ZNF804B: variants seen among roughly 807,000 people sequenced by gnomAD.
The protein encoded by ZNF804B is zinc finger protein 804B.
ZNF804B carries 80 observed loss-of-function variants against 101.4 expected under a neutral mutation model. The observed-to-expected ratio is 0.79, with a 90% CI of 0.66 to 0.95. The LOEUF (loss-of-function observed/expected upper bound fraction) is 0.95. Among genes scored for constraint, ZNF804B ranks in the 40% least tolerant of loss-of-function variants. The pLI is 0.00. For synonymous variants in ZNF804B, 622 were observed against 558.8 expected (o/e 1.11, Z -1.59); for missense variants, 1,673 against 1,561.9 (o/e 1.07, Z -1.20).
At chr7:88,895,791 AC>A (rs557121323) in intron 1 of ZNF804B, among the ~76,000 whole-genome samples, 20 of 152,350 alleles carry the variant, frequency 1.3e-4, no homozygotes, top group African/African-American at 4.1e-4. Flanking sequence ...AAGTTGTGCA[AC>A]AGAATAAACT....
intron 1 of ZNF804B, among the ~76,000 whole-genome samples, chr7:89,190,274 G>A (rs865801770): frequency 2.6e-5 from 4 of 151,152 alleles, no homozygotes; most frequent in South Asian, 2.1e-4. Flanking sequence ...AGCAGAGGCT[G>A]CAGTGAGCCG....
At chr7:89,164,886 G>A (rs1584026589) in intron 1 of ZNF804B, among the ~76,000 whole-genome samples, 1 of 151,840 alleles carries the variant, frequency 6.6e-6, no homozygotes, top group Admixed American at 6.6e-5. Context: ...AAATGTATTT[G>A]GTGTTTTTTA....
chr7:89,040,870 T>G (rs138211104), intron 1 of ZNF804B, among the ~76,000 whole-genome samples: 1 of 152,206 alleles, frequency 6.6e-6, no homozygotes, highest in Non-Finnish European at 1.5e-5. Context: ...AGCCTGAGAC[T>G]GTGGAAGCTG....
intron 1 of ZNF804B, among the ~76,000 whole-genome samples, chr7:89,119,423 G>A (rs2189064): frequency 0.64 from 97,862 of 152,072 alleles, 32,439 homozygotes; most frequent in African/African-American, 0.81. Flanking sequence ...AAAGTTCAGG[G>A]AGACTTTCTT....
At position 89,335,728 on chromosome 7, in the gene ZNF804B, G is replaced by A. The variant is rs374438519; in HGVS notation, c.2746G>A (p.Ala916Thr). ...GPSETTESNT[A>T]EGERTPLTAK... Reference sequence around the variant, plus strand: ...TTCAGAAACCACAGAATCAAACACTGCAGAAGGAGAGAGGACCCCTCTAAC... The same window carrying A: ...TTCAGAAACCACAGAATCAAACACTACAGAAGGAGAGAGGACCCCTCTAAC... Residue 916 changes from alanine to threonine, a missense_variant, in exon 4 of 4, where the codon GCA becomes ACA. Transcript: ENST00000333190. 10 of 1,613,878 alleles carry A rather than the reference G, an allele frequency of 6.2e-6. No individual in the cohort carries two copies. Among genetic ancestry groups the A allele is most frequent in the Non-Finnish European group, 8.5e-6 (10 of 1,179,978 alleles).
chr7:88,833,467 T>C (rs1003939651), intron 1 of ZNF804B, among the ~76,000 whole-genome samples: 3 of 151,878 alleles, frequency 2.0e-5, no homozygotes, highest in African/African-American at 7.2e-5. Context: ...GACATGTTGC[T>C]AGGGAGTTAC....
At chr7:88,918,120 A>G (rs1792662411) in intron 1 of ZNF804B, among the ~76,000 whole-genome samples, 2 of 152,168 alleles carry the variant, frequency 1.3e-5, no homozygotes, top group South Asian at 4.1e-4. Context: ...CATTTAGAGA[A>G]TCTGAAACTC....
chr7:89,243,488 A>G (rs1368749834), intron 2 of ZNF804B, among the ~76,000 whole-genome samples: 1 of 151,830 alleles, frequency 6.6e-6, no homozygotes, highest in African/African-American at 2.4e-5. Flanking sequence ...TGAGTGTTCA[A>G]AATATTGCAT....
chr7:89,010,067 C>G (rs977017571), intron 1 of ZNF804B, among the ~76,000 whole-genome samples: 1 of 151,618 alleles, frequency 6.6e-6, no homozygotes, highest in Non-Finnish European at 1.5e-5. Flanking sequence ...ATGTTATTTC[C>G]CATCTAGATT....
intron 2 of ZNF804B, among the ~76,000 whole-genome samples, chr7:89,276,728 T>A (rs1430176646): frequency 6.6e-6 from 1 of 151,950 alleles, no homozygotes; most frequent in Non-Finnish European, 1.5e-5. Context: ...GATATTTGAC[T>A]ACATTTTAAA....
chr7:88,879,648 A>G (rs1337152444), intron 1 of ZNF804B, among the ~76,000 whole-genome samples: 1 of 152,146 alleles, frequency 6.6e-6, no homozygotes, highest in African/African-American at 2.4e-5. Flanking sequence ...TCACATTAAG[A>G]ACATTAGGAG....
chr7:88,885,989 T>A (rs772786574), intron 1 of ZNF804B, among the ~76,000 whole-genome samples: 21 of 151,706 alleles, frequency 1.4e-4, no homozygotes, highest in Non-Finnish European at 2.5e-4. Flanking sequence ...AATTTAATGC[T>A]TTTGTATCTA....
intron 1 of ZNF804B, among the ~76,000 whole-genome samples, chr7:89,002,612 G>A (rs887123062): frequency 3.3e-5 from 5 of 151,818 alleles, no homozygotes; most frequent in Non-Finnish European, 5.9e-5. Context: ...GTGGAATGTA[G>A]TCATTTTATC....
At chr7:89,107,239 G>T (rs1790148829) in intron 1 of ZNF804B, among the ~76,000 whole-genome samples, 1 of 151,578 alleles carries the variant, frequency 6.6e-6, no homozygotes, top group Non-Finnish European at 1.5e-5. Context: ...ATAACTTTTT[G>T]ATATCATGCA....
At chr7:89,066,571 A>T (rs898041571) in intron 1 of ZNF804B, among the ~76,000 whole-genome samples, 3 of 152,136 alleles carry the variant, frequency 2.0e-5, no homozygotes, top group Non-Finnish European at 2.9e-5. Flanking sequence ...TTTTAATCAA[A>T]CATGCTAGAA....
intron 2 of ZNF804B, among the ~76,000 whole-genome samples, chr7:89,315,948 T>C (rs534382453): frequency 1.3e-5 from 2 of 152,334 alleles, no homozygotes; most frequent in East Asian, 3.9e-4. Flanking sequence ...TCATATTTAT[T>C]GTCTGCATTG....
intron 1 of ZNF804B, among the ~76,000 whole-genome samples, chr7:89,162,820 A>C (rs1791087535): frequency 1.3e-5 from 1 of 79,978 alleles, no homozygotes. Flanking sequence ...CCACCCCACA[A>C]CAGTCCCCAG....
chr7:88,972,689 T>TA (rs539092662), intron 1 of ZNF804B, among the ~76,000 whole-genome samples: 3 of 151,074 alleles, frequency 2.0e-5, no homozygotes, highest in Non-Finnish European at 4.4e-5. Context: ...AACTGTCCTT[T>TA]AAAAAAATAT....
intron 1 of ZNF804B, among the ~76,000 whole-genome samples, chr7:88,983,997 A>G (rs1307165070): frequency 6.6e-6 from 1 of 152,114 alleles, no homozygotes; most frequent in Non-Finnish European, 1.5e-5. Flanking sequence ...ATCTTCATCA[A>G]ATCCATAAAT....
Sources: gnomAD v4.1 joint callset for allele counts (sites outside exome capture counted in the v4.1 genomes callset) on GRCh38, gnomAD v4.1.1 for gene constraint, MANE v1.5 for transcripts, NCBI Gene and HGNC (gene_info 2026-07-23, HGNC 2026-07-21) for gene names.